Variants in LOC128462377 observed in about 807,000 individuals in gnomAD.
At chr16:89,345,991 C>T in the LOC128462377 span, among the ~76,000 whole-genome samples, 7 of 152,116 alleles carry the variant, frequency 4.6e-5, no homozygotes, top group African/African-American at 9.7e-5. Flanking sequence ...CCTGTAATCC[C>T]AGCACTTTGG....
the LOC128462377 span, chr16:89,323,117 T>C: frequency 1.2e-5 from 4 of 334,504 alleles, no homozygotes; most frequent in African/African-American, 6.7e-5. Flanking sequence ...TGCCGGCTGT[T>C]GTGCGCTCCG....
the LOC128462377 span, among the ~76,000 whole-genome samples, chr16:89,327,637 T>C: frequency 6.6e-6 from 1 of 152,102 alleles, no homozygotes; most frequent in Admixed American, 6.5e-5. Flanking sequence ...AATAATCCTA[T>C]GAAAACAAGA....
the LOC128462377 span, among the ~76,000 whole-genome samples, chr16:89,400,021 G>A: frequency 6.8e-6 from 1 of 146,982 alleles, no homozygotes; most frequent in Non-Finnish European, 1.5e-5. Context: ...AGGCTTCCCT[G>A]CGCTGGAGGC....
At chr16:89,336,238 A>C in the LOC128462377 span, among the ~76,000 whole-genome samples, 1 of 152,216 alleles carries the variant, frequency 6.6e-6, no homozygotes, top group East Asian at 1.9e-4. Context: ...GGCAAGAGCC[A>C]CATCAACAGA....
chr16:89,322,882 T>C, the LOC128462377 span, among the ~76,000 whole-genome samples: 1 of 152,238 alleles, frequency 6.6e-6, no homozygotes, highest in Admixed American at 6.5e-5. Flanking sequence ...ACAGCTGTGT[T>C]GCCCAGGCTG....
the LOC128462377 span, among the ~76,000 whole-genome samples, chr16:89,370,033 C>T: frequency 6.6e-6 from 1 of 152,242 alleles, no homozygotes; most frequent in African/African-American, 2.4e-5. Flanking sequence ...CAAGACCATC[C>T]AGTAACGAGA....
the LOC128462377 span, among the ~76,000 whole-genome samples, chr16:89,377,168 G>C: frequency 6.6e-6 from 1 of 152,140 alleles, no homozygotes; most frequent in African/African-American, 2.4e-5. Flanking sequence ...TGGTCTTCCT[G>C]TCCCCAAACA....
the LOC128462377 span, among the ~76,000 whole-genome samples, chr16:89,340,859 GC>G: frequency 6.6e-6 from 1 of 152,128 alleles, no homozygotes; most frequent in Admixed American, 6.5e-5. Context: ...CACAGCTTTT[GC>G]CCAATTCTCA....
At chr16:89,368,375 T>G in the LOC128462377 span, among the ~76,000 whole-genome samples, 19 of 46,996 alleles carry the variant, frequency 4.0e-4, no homozygotes, top group East Asian at 3.0e-3. Context: ...TTTTGTGTTT[T>G]TTTTTTTTTT....
the LOC128462377 span, among the ~76,000 whole-genome samples, chr16:89,325,316 C>T: frequency 1.4e-4 from 21 of 152,162 alleles, no homozygotes; most frequent in African/African-American, 2.4e-4. Flanking sequence ...TGCATGCTGG[C>T]GGTCTCAGCT....
chr16:89,403,766 A>G, the LOC128462377 span: 4 of 152,170 alleles, frequency 2.6e-5, no homozygotes, highest in African/African-American at 9.7e-5. Flanking sequence ...CACCTCTAAA[A>G]AAGTAAAAAT....
At chr16:89,334,167 A>C in the LOC128462377 span, among the ~76,000 whole-genome samples, 7 of 146,326 alleles carry the variant, frequency 4.8e-5, no homozygotes, top group African/African-American at 1.0e-4. Flanking sequence ...AAAAAAAAAA[A>C]AAAAAACAGA....
At chr16:89,374,700 C>T in the LOC128462377 span, among the ~76,000 whole-genome samples, 3 of 152,316 alleles carry the variant, frequency 2.0e-5, no homozygotes, top group South Asian at 2.1e-4. Context: ...AGCACTTCAA[C>T]TCTGCTCAGG....
the LOC128462377 span, among the ~76,000 whole-genome samples, chr16:89,348,516 A>C: frequency 6.6e-6 from 1 of 152,290 alleles, no homozygotes; most frequent in East Asian, 1.9e-4. Flanking sequence ...CTTCTATATA[A>C]CTGACTTTCC....
the LOC128462377 span, chr16:89,324,544 G>C: frequency 2.2e-6 from 1 of 456,062 alleles, no homozygotes; most frequent in South Asian, 1.5e-5. Flanking sequence ...TGAGTCAGTG[G>C]ACGGGGAGAG....
chr16:89,324,336 G>A, the LOC128462377 span: 1 of 1,188,890 alleles, frequency 8.4e-7, no homozygotes. Flanking sequence ...GGGCGACGTG[G>A]GTGCCTCACA....
chr16:89,346,822 G>C, the LOC128462377 span, among the ~76,000 whole-genome samples: 26 of 152,108 alleles, frequency 1.7e-4, no homozygotes, highest in Non-Finnish European at 2.9e-5. Flanking sequence ...CAAAAGAATA[G>C]AAGAAAAACA....
At chr16:89,373,745 C>A in the LOC128462377 span, among the ~76,000 whole-genome samples, 8 of 152,374 alleles carry the variant, frequency 5.3e-5, no homozygotes, top group East Asian at 7.7e-4. Flanking sequence ...GCACACGACA[C>A]CCCTCCCACA....
At chr16:89,329,995 AAAAAT>A in the LOC128462377 span, among the ~76,000 whole-genome samples, 75 of 146,322 alleles carry the variant, frequency 5.1e-4, no homozygotes, top group East Asian at 2.6e-3. Context: ...ACCTTGTCTC[AAAAAT>A]AAAATAAAAT....
Sources: allele counts gnomAD v4.1 joint callset (sites outside exome capture counted in the v4.1 genomes callset), GRCh38; gene constraint gnomAD v4.1.1; transcripts MANE v1.5.